Variants in ZNF385B observed in about 807,000 individuals in gnomAD.
The protein encoded by ZNF385B is zinc finger protein 385B, also known as zinc finger protein 533.
A neutral mutation model predicts 39.2 loss-of-function variants in ZNF385B; 23 were observed. The observed-to-expected ratio is 0.59, with a 90% confidence interval of 0.42 to 0.83. The LOEUF is 0.83. Ranked by LOEUF, ZNF385B falls within the 40% of genes least tolerant of loss-of-function variation. The pLI is 0.00. For synonymous variants in ZNF385B, 205 were observed against 222.6 expected, an observed-to-expected ratio of 0.92 and a Z score of 0.70; for missense variants, 552 against 598.9, an observed-to-expected ratio of 0.92 and a Z score of 0.82.
At chr2:179,549,380 T>G (rs1190535372) in intron 3 of ZNF385B, among the ~76,000 whole-genome samples, 2 of 149,610 alleles carry the variant, frequency 1.3e-5, no homozygotes, top group African/African-American at 5.0e-5. Context: ...CTAAATGGCT[T>G]AATATTTTGA....
At chr2:179,519,375 G>A (rs2105807932) in intron 4 of ZNF385B, among the ~76,000 whole-genome samples, 1 of 152,286 alleles carries the variant, frequency 6.6e-6, no homozygotes, top group South Asian at 2.1e-4. Flanking sequence ...TACTGAAAAT[G>A]CATGTCAGAA....
At chr2:179,791,838 C>G (rs1575498132) in intron 1 of ZNF385B, among the ~76,000 whole-genome samples, 1 of 152,176 alleles carries the variant, frequency 6.6e-6, no homozygotes, top group South Asian at 2.1e-4. Flanking sequence ...CTCAGTGCAA[C>G]CTCCACCTTC....
At chr2:179,567,692 A>G (rs1684757809) in intron 3 of ZNF385B, among the ~76,000 whole-genome samples, 1 of 152,150 alleles carries the variant, frequency 6.6e-6, no homozygotes, top group Non-Finnish European at 1.5e-5. Context: ...AGCTGGAGAA[A>G]GTTTCACTGT....
intron 1 of ZNF385B, among the ~76,000 whole-genome samples, chr2:179,850,672 C>T (rs1684061037): frequency 6.6e-6 from 1 of 152,156 alleles, no homozygotes; most frequent in Non-Finnish European, 1.5e-5. Flanking sequence ...GTGGGAGATT[C>T]ACAAAGATTC....
chr2:179,761,909 T>C (rs1703420647), intron 3 of ZNF385B, among the ~76,000 whole-genome samples: 1 of 151,846 alleles, frequency 6.6e-6, no homozygotes, highest in East Asian at 1.9e-4. Context: ...TCTTGCCTTA[T>C]TATAATGGCT....
intron 3 of ZNF385B, among the ~76,000 whole-genome samples, chr2:179,649,277 A>G (rs1693006160): frequency 6.6e-6 from 1 of 152,210 alleles, no homozygotes; most frequent in Non-Finnish European, 1.5e-5. Context: ...AATGACACAT[A>G]ATCAGTGATT....
chr2:179,727,641 A>G (rs1701106127), intron 3 of ZNF385B, among the ~76,000 whole-genome samples: 1 of 152,126 alleles, frequency 6.6e-6, no homozygotes, highest in African/African-American at 2.4e-5. Flanking sequence ...TATATACAAC[A>G]TAAGAATAAA....
chr2:179,509,260 A>G (rs566671401), intron 5 of ZNF385B, among the ~76,000 whole-genome samples: 1 of 152,282 alleles, frequency 6.6e-6, no homozygotes, highest in East Asian at 1.9e-4. Context: ...GTTTAATATC[A>G]ATCCTAAATT....
At position 179,682,552 on chromosome 2, in the gene ZNF385B, A is replaced by G. The variant is rs542153137; in HGVS notation, c.298+86951T>C. Among the ~76,000 whole-genome samples the G allele has an allele frequency of 2.0e-4, 30 of 152,292 alleles. 1 individual carries two copies. The highest frequency in any genetic ancestry group is 7.0e-4 in the African/African-American group (29 of 41,554). On this transcript the variant is annotated intron_variant, in intron 3 of 9. Transcript: ENST00000410066. ...TCACTGTGGTTTAACTCTGTCTCTG[A>G]ACAAATTTATGTAACAGAATTTAGA...
intron 6 of ZNF385B, among the ~76,000 whole-genome samples, chr2:179,460,629 G>A (rs56790532): frequency 0.11 from 16,338 of 152,120 alleles, 1,131 homozygotes; most frequent in East Asian, 0.32. Context: ...CACTGTTGTA[G>A]AACCTAAGAT....
rs145158497 is a variant in ZNF385B, at chr2:179,654,143, C to A, written c.299-109174G>T. On this transcript the variant is annotated intron_variant, in intron 3 of 9. Coordinates refer to ENST00000410066, the MANE Select transcript of ZNF385B (RefSeq NM_152520.6). ...CATCACTTATTTCTCACCAATGGCACTGAATCTTAACCTAAAGGGAGATCC... is the reference window on the plus strand; with the variant it reads ...CATCACTTATTTCTCACCAATGGCAATGAATCTTAACCTAAAGGGAGATCC... Among the ~76,000 whole-genome samples the A allele has an allele frequency of 1.4e-3, 218 of 152,208 alleles. 1 individual carries two copies. The highest frequency in any genetic ancestry group is 5.1e-3 in the African/African-American group (213 of 41,530).
chr2:179,714,775 A>C (rs2106391349), intron 3 of ZNF385B, among the ~76,000 whole-genome samples: 1 of 151,694 alleles, frequency 6.6e-6, no homozygotes, highest in Admixed American at 6.6e-5. Context: ...GTGAAAACCT[A>C]TCTCTACTAA....
At chr2:179,752,681 T>G (rs374920470) in intron 3 of ZNF385B, among the ~76,000 whole-genome samples, 18 of 152,022 alleles carry the variant, frequency 1.2e-4, no homozygotes, top group South Asian at 2.1e-4. Context: ...TTCTCTGATG[T>G]CCAGTGATGA....
rs780779677 is a variant in ZNF385B, at chr2:179,442,351, A to T, written c.*899T>A. The T allele has an allele frequency of 4.6e-5, 7 of 152,686 alleles. No individual in the cohort carries two copies. The highest frequency in any genetic ancestry group is 7.2e-5 in the African/African-American group (3 of 41,470). The allele number at this position is 152,686 out of a possible 1,614,324, so 9.5% of individuals were successfully genotyped here. ...ATACATGGATTCATTGTCTTCTTGCAGAATGCACAAGAGGTGCAAAAATGT... is the reference window on the plus strand; with the variant it reads ...ATACATGGATTCATTGTCTTCTTGCTGAATGCACAAGAGGTGCAAAAATGT... On this transcript the variant is annotated 3_prime_UTR_variant, in exon 10 of 10. Transcript: ENST00000410066.
chr2:179,788,533 G>A (rs1705141386), intron 1 of ZNF385B, among the ~76,000 whole-genome samples: 1 of 152,100 alleles, frequency 6.6e-6, no homozygotes, highest in South Asian at 2.1e-4. Context: ...GGTATGATAT[G>A]GCTGTCAGGA....
intron 3 of ZNF385B, among the ~76,000 whole-genome samples, chr2:179,712,477 C>A (rs886981539): frequency 1.3e-5 from 2 of 152,138 alleles, no homozygotes; most frequent in African/African-American, 4.8e-5. Flanking sequence ...CTTGATATCT[C>A]CTCTTTTCAC....
intron 3 of ZNF385B, among the ~76,000 whole-genome samples, chr2:179,763,721 T>C (rs1205374500): frequency 1.3e-5 from 2 of 152,236 alleles, no homozygotes; most frequent in Non-Finnish European, 2.9e-5. Context: ...GTTTTTCCTT[T>C]GAGACTTCTT....
intron 6 of ZNF385B, among the ~76,000 whole-genome samples, chr2:179,474,815 A>G (rs1210059475): frequency 1.3e-5 from 2 of 152,180 alleles, no homozygotes; most frequent in Non-Finnish European, 2.9e-5. Context: ...ATCACAGGAA[A>G]AGGAAGGAAA....
chr2:179,853,350 G>A (rs1030107747), intron 1 of ZNF385B, among the ~76,000 whole-genome samples: 3 of 152,160 alleles, frequency 2.0e-5, no homozygotes, highest in Non-Finnish European at 4.4e-5. Flanking sequence ...TTATACATGT[G>A]TATCAAGTTC....
Sources: allele counts gnomAD v4.1 joint callset (sites outside exome capture counted in the v4.1 genomes callset), GRCh38; gene constraint gnomAD v4.1.1; transcripts MANE v1.5; gene names NCBI Gene and HGNC (gene_info 2026-07-23, HGNC 2026-07-21).